MROH1: variants seen among roughly 807,000 people sequenced by gnomAD.
The protein encoded by MROH1 is maestro heat like repeat family member 1, also known as maestro heat-like repeat-containing protein family member 1.
MROH1 carries 117 observed loss-of-function variants against 116.5 expected under a neutral mutation model. That is an observed-to-expected ratio of 1.00 (90% CI 0.86 to 1.17). The LOEUF (loss-of-function observed/expected upper bound fraction) is 1.17, where lower values mean the gene tolerates loss of function less well. Among genes scored for constraint, MROH1 ranks in the 50% most tolerant of loss-of-function variants. The probability of loss-of-function intolerance (pLI) is 0.00; values close to 1 mark genes in which losing one functional copy is unlikely to be tolerated. For synonymous variants in MROH1, 921 were observed against 583.9 expected (o/e 1.58, Z -8.32); for missense variants, 1,873 against 1,338.5 (o/e 1.40, Z -6.23).
chr8:144,250,554 C>T (rs1842685640), intron 33 of MROH1, 188 bp downstream of exon 33: 2 of 663,644 alleles, frequency 3.0e-6, no homozygotes, highest in South Asian at 3.3e-5. Flanking sequence ...ACGGGGACCT[C>T]TCCTCTCCAG....
chr8:144,208,195 C>T (rs1046674021), intron 12 of MROH1, among the ~76,000 whole-genome samples: 3 of 152,106 alleles, frequency 2.0e-5, no homozygotes, highest in Non-Finnish European at 2.9e-5. Flanking sequence ...CCGCCCGCCT[C>T]GGCCTCCCAA....
rs959349573 is a variant in MROH1 at position 144,248,687 on chromosome 8, G to T, written c.3121-190G>T. On this transcript the variant is annotated intron_variant, in intron 31 of 43. Transcript: ENST00000326134. ...CCCAGGTTCCAGCAGGCCCTGGCAGGTTCCGGAGAAGGAGACCCCACCCCC... is the reference window on the plus strand; with the variant it reads ...CCCAGGTTCCAGCAGGCCCTGGCAGTTTCCGGAGAAGGAGACCCCACCCCC... Among the ~76,000 whole-genome samples, 4 of 152,168 alleles carry T rather than the reference G, an allele frequency of 2.6e-5. No individual in the cohort carries two copies. The East Asian group carries it at 5.8e-4, about 22-fold the overall frequency.
intron 4 of MROH1, among the ~76,000 whole-genome samples, chr8:144,171,759 C>G (rs1370807311): frequency 6.6e-6 from 1 of 152,300 alleles, no homozygotes; most frequent in East Asian, 1.9e-4. Flanking sequence ...TAGAGAGACA[C>G]CTAAACAACT....
At chr8:144,216,900 G>T (rs1020397769) in intron 12 of MROH1, among the ~76,000 whole-genome samples, 5 of 152,094 alleles carry the variant, frequency 3.3e-5, no homozygotes, top group African/African-American at 1.2e-4. Flanking sequence ...ATGTTGGTCA[G>T]GCTGGTCTCA....
chr8:144,261,029 C>T lies in MROH1; in HGVS notation c.4659C>T (p.Thr1553=). 1.4e-6 allele frequency: 1 copy of T among 735,726 alleles called. No individual in the cohort carries two copies. Among genetic ancestry groups the T allele is most frequent in the East Asian group, 2.6e-5 (1 of 38,166 alleles). The allele number at this position is 735,726 out of a possible 1,614,324, so 45.6% of individuals were successfully genotyped here. The change falls in exon 41 of 44, where the codon ACC becomes ACT. Residue 1553 remains threonine (T), a synonymous_variant. Transcript: ENST00000326134. ...ALHFGEFLNT[T]CKHLMHHFPD... ...ACTTCGGGGAGTTCCTCAACACCAC[C>T]TGCAAGCACCTGGTGAGGGGTGGGG...
chr8:144,225,632 A>T (rs1045218146), intron 14 of MROH1, among the ~76,000 whole-genome samples: 4 of 151,670 alleles, frequency 2.6e-5, no homozygotes, highest in Non-Finnish European at 5.9e-5. Flanking sequence ...GCTCACTGCA[A>T]CCTCTGCCTC....
chr8:144,200,669 C>T lies in MROH1; in HGVS notation c.1141+128C>T, dbSNP rs1007090110. ...TGAATTCTCTAGAAAGATTTCCCTA[C>T]TTACTATTTTGCAAAATTCTAAACT... On this transcript the variant is annotated intron_variant, in intron 12 of 43. Coordinates refer to ENST00000326134, the MANE Select transcript of MROH1 (RefSeq NM_032450.3). The T allele has an allele frequency of 3.2e-5, 24 of 752,336 alleles. 1 individual carries two copies. In the Admixed American group the frequency reaches 5.6e-4, roughly 18 times the overall value. The allele number at this position is 752,336 out of a possible 1,614,324, so 46.6% of individuals were successfully genotyped here.
intron 33 of MROH1, among the ~76,000 whole-genome samples, chr8:144,254,165 T>TATCTTCCTATTCACTGGGTAAGTTCTTA (rs1843296620): frequency 6.6e-6 from 1 of 152,232 alleles, no homozygotes; most frequent in South Asian, 2.1e-4. Context: ...GAAATTTTTT[T>TATCTTCCTATTCACTGGGTAAGTTCTTA]ATCTTCCTAT....
chr8:144,156,058 G>A (rs1434296171), intron 1 of MROH1, among the ~76,000 whole-genome samples: 1 of 151,838 alleles, frequency 6.6e-6, no homozygotes, highest in Non-Finnish European at 1.5e-5. Flanking sequence ...GACCAACATG[G>A]AGAAACTCCG....
At chr8:144,199,082 G>A in intron 10 of MROH1, 40 bp from the exon 11 acceptor site, 1 of 1,590,328 alleles carries the variant, frequency 6.3e-7, no homozygotes, top group Non-Finnish European at 8.6e-7. Context: ...CTTCCTTCTG[G>A]CCTCTCTGGT....
chr8:144,259,503 G>A (rs1257617375), intron 37 of MROH1, 149 bp downstream of exon 37: 11 of 678,296 alleles, frequency 1.6e-5, no homozygotes, highest in Non-Finnish European at 2.4e-5. Context: ...CCTCCCCCAT[G>A]CCAGAACTCA....
intron 18 of MROH1, 70 bp from the exon 19 acceptor site, chr8:144,240,031 G>A: frequency 1.4e-6 from 1 of 737,222 alleles, no homozygotes; most frequent in Non-Finnish European, 2.5e-6. Context: ...CCAGCTCCAG[G>A]GCAGGTGCTG....
chr8:144,169,876 C>T (rs1822006203), intron 4 of MROH1, among the ~76,000 whole-genome samples: 1 of 152,144 alleles, frequency 6.6e-6, no homozygotes, highest in Admixed American at 6.5e-5. Context: ...CTCTGTCGCC[C>T]AGGCTGGAGT....
At chr8:144,248,306 G>T (rs1842250851) in intron 31 of MROH1, among the ~76,000 whole-genome samples, 1 of 152,176 alleles carries the variant, frequency 6.6e-6, no homozygotes, top group South Asian at 2.1e-4. Context: ...ATTACGGGGG[G>T]GAAAAAAAGA....
intron 11 of MROH1, 127 bp from the exon 12 acceptor site, chr8:144,200,301 C>T (rs1337084295): frequency 4.4e-5 from 32 of 733,926 alleles, no homozygotes; most frequent in Non-Finnish European, 6.7e-5. Context: ...GATTAGGTGA[C>T]CCCAGCTTCT....
At chr8:144,191,002 C>A in intron 8 of MROH1, 67 bp downstream of exon 8, 2 of 1,519,622 alleles carry the variant, frequency 1.3e-6, no homozygotes, top group East Asian at 2.4e-5. Flanking sequence ...ATTCCCTGCC[C>A]GTGGCAAATT....
In MROH1 at chr8:144,239,643, C is replaced by T. The variant is rs985225613; in HGVS notation, c.1662C>T (p.Asp554=). 6.5e-6 allele frequency: 5 copies of T among 769,804 alleles called. No homozygotes were observed. The highest frequency in any genetic ancestry group is 1.7e-5 in the African/African-American group (1 of 58,954). 47.7% of individuals were successfully genotyped at this position (769,804 alleles called of 1,614,324 possible). A position where few individuals can be genotyped will look rare whatever the true frequency, so the allele number is the denominator to read the frequency against. Residue 554 remains aspartate (D), a synonymous_variant, in exon 18 of 44, where the codon GAC becomes GAT. Transcript: ENST00000326134. ...LVVSSSPYLG[D]GRGAAALRLL... ...TGTCTTCCAGCCCCTACCTAGGGGA[C>T]GGACGTGGGGCAGCGGCGCTGCGCC... is the stretch of plus-strand genomic sequence containing the variant.
rs189671237 is a variant in MROH1 at position 144,199,451 on chromosome 8, C to T, written c.1027+251C>T. On this transcript the variant is annotated intron_variant, in intron 11 of 43. Transcript: ENST00000326134. Reference sequence around the variant, plus strand: ...CTGCCCAAATCCTTGGGGGCCTCCACTCACCGTCCAGTCTGCACATTCCCT... The same window carrying T: ...CTGCCCAAATCCTTGGGGGCCTCCATTCACCGTCCAGTCTGCACATTCCCT... 7.2e-5 allele frequency among the ~76,000 whole-genome samples: 11 copies of T among 152,240 alleles called. No individual in the cohort carries two copies. The East Asian group carries it at 2.1e-3, about 29-fold the overall frequency.
chr8:144,197,536 C>T (rs1013242898), intron 10 of MROH1, among the ~76,000 whole-genome samples: 1 of 141,240 alleles, frequency 7.1e-6, no homozygotes, highest in Non-Finnish European at 1.5e-5. Flanking sequence ...CCCCGGTTCA[C>T]GCCATTCTCC....
Sources: allele counts gnomAD v4.1 joint callset (sites outside exome capture counted in the v4.1 genomes callset), GRCh38; gene constraint gnomAD v4.1.1; transcripts MANE v1.5; gene names NCBI Gene and HGNC (gene_info 2026-07-23, HGNC 2026-07-21).